ERBB2: variants seen among roughly 807,000 people sequenced by gnomAD.
ERBB2 encodes erb-b2 receptor tyrosine kinase 2.
In ERBB2, 61 loss-of-function variants were observed where a neutral mutation model predicts 149.0. That is an observed-to-expected ratio of 0.41 (90% confidence interval 0.33 to 0.51). The LOEUF (loss-of-function observed/expected upper bound fraction) is 0.51. Ranked by LOEUF, ERBB2 falls within the 20% of genes least tolerant of loss-of-function variation. The pLI, the probability that ERBB2 is intolerant of heterozygous loss-of-function variation, is 0.25. For missense variants in ERBB2, 1,205 were observed against 1,655.1 expected (o/e 0.73, Z 4.72); for synonymous variants, 633 against 678.8 (o/e 0.93, Z 1.05).
At chr17:39,694,081 C>T (rs1327400413), upstream of ERBB2, among the ~76,000 whole-genome samples, 2 of 145,828 alleles carry the variant, frequency 1.4e-5, no homozygotes, top group Non-Finnish European at 3.0e-5. Flanking sequence ...GTAATACCAG[C>T]TACTCGGAAG....
At chr17:39,719,940 C>T (rs1048727575) in intron 16 of ERBB2, 106 bp downstream of exon 16, 3 of 1,036,736 alleles carry the variant, frequency 2.9e-6, no homozygotes, top group South Asian at 2.6e-5. Context: ...TGTCCCTTCC[C>T]ACCCACTCTT....
chr17:39,698,628 T>C (rs2057931530), upstream of ERBB2, among the ~76,000 whole-genome samples: 1 of 151,684 alleles, frequency 6.6e-6, no homozygotes, highest in Admixed American at 6.6e-5. Context: ...TAGGATGGCA[T>C]AGCAACCTGT....
intron 9 of ERBB2, 65 bp downstream of exon 9, chr17:39,712,513 G>GGATCCTCA: frequency 1.3e-6 from 2 of 1,569,342 alleles, no homozygotes; most frequent in Non-Finnish European, 1.7e-6. Context: ...ATCCAGATGT[G>GGATCCTCA]GCAGCATCTC....
chr17:39,712,122 G>C (rs2145566805), intron 8 of ERBB2, 75 bp downstream of exon 8: 2 of 1,606,182 alleles, frequency 1.2e-6, no homozygotes, highest in Non-Finnish European at 8.5e-7. Context: ...AGCCCACCCT[G>C]TCCTATCCTT....
chr17:39,712,263 G>T, intron 8 of ERBB2, 59 bp from the exon 9 acceptor site: 2 of 1,608,772 alleles, frequency 1.2e-6, no homozygotes, highest in South Asian at 1.1e-5. Context: ...TGTGGCTGTT[G>T]ACCTGTCCCG....
chr17:39,713,826 C>T (rs984924830), intron 9 of ERBB2, among the ~76,000 whole-genome samples: 3 of 150,384 alleles, frequency 2.0e-5, no homozygotes, highest in Non-Finnish European at 2.9e-5. Context: ...GAGGCTGAAG[C>T]AGGAAGATTG....
intron 2 of ERBB2, 45 bp from the exon 3 acceptor site, chr17:39,708,276 G>C (rs1294086272): frequency 1.3e-6 from 2 of 1,528,874 alleles, no homozygotes; most frequent in Admixed American, 1.7e-5. Context: ...GCCCTGGGGG[G>C]TGGCAGTGTT....
At chr17:39,718,221 T>C (rs1219946101) in intron 15 of ERBB2, among the ~76,000 whole-genome samples, 2 of 152,264 alleles carry the variant, frequency 1.3e-5, no homozygotes, top group African/African-American at 4.8e-5. Context: ...AACATGGTGA[T>C]CTACCTTATT....
rs763367024 is a variant in ERBB2 at position 39,712,355 on chromosome 17, A to G, written c.1055A>G (p.Glu352Gly). The G allele has an allele frequency of 6.2e-7, 1 of 1,613,290 alleles. No homozygotes were observed. The highest frequency in any genetic ancestry group is 8.5e-7 in the Non-Finnish European group (1 of 1,179,740). ...GGTCTGGGCATGGAGCACTTGCGAG[A>G]GGTGAGGGCAGTTACCAGTGCCAAT... Reference protein sequence around the residue: ...CYGLGMEHLREVRAVTSANIQ... With the variant: ...CYGLGMEHLRGVRAVTSANIQ... The change falls in exon 9 of 27, where the codon GAG becomes GGG. Residue 352 changes from glutamate (E) to glycine (G), a missense_variant. Around this residue, in one of 6 missense-constraint regions of ERBB2, gnomAD observed 569 missense variants for 803.5 expected, o/e 0.71. Coordinates refer to ENST00000269571, the MANE Select transcript of ERBB2 (RefSeq NM_004448.4).
In ERBB2 at chr17:39,728,575, G is replaced by C. The variant is rs1597894266; in HGVS notation, c.*531G>C. On this transcript the variant is annotated 3_prime_UTR_variant, in exon 27 of 27. Transcript: ENST00000269571. ...AAGATGAAATAAAGACCCAGGGGGA[G>C]AATGGGTGTTGTATGGGGAGGCAAG... The C allele has an allele frequency of 4.3e-6, 1 of 233,700 alleles. No homozygotes were observed. The allele number at this position is 233,700 out of a possible 1,614,324, so 14.5% of individuals were successfully genotyped here. A position where few individuals can be genotyped will look rare whatever the true frequency, so the allele number is the denominator to read the frequency against.
chr17:39,697,711 TTCAATGGAG>T (rs1249431277), upstream of ERBB2, among the ~76,000 whole-genome samples: 6 of 151,518 alleles, frequency 4.0e-5, no homozygotes, highest in East Asian at 1.2e-3. Flanking sequence ...CTTTCTTTCT[TTCAATGGAG>T]TCTTACTCTG....
In ERBB2 at chr17:39,725,377, C is replaced by T. The variant is rs370134709; in HGVS notation, c.2700C>T (p.Thr900=). 3.7e-6 allele frequency: 6 copies of T among 1,613,904 alleles called. No individual in the cohort carries two copies. Among genetic ancestry groups the T allele is most frequent in the Non-Finnish European group, 5.1e-6 (6 of 1,179,966 alleles). ...ALESILRRRF[T]HQSDVWSYGV... Reference sequence around the variant, plus strand: ...AGTCCATTCTCCGCCGGCGGTTCACCCACCAGAGTGATGTGTGGAGTTATG... The same window carrying T: ...AGTCCATTCTCCGCCGGCGGTTCACTCACCAGAGTGATGTGTGGAGTTATG... The change falls in exon 22 of 27, where the codon ACC becomes ACT. Residue 900 remains threonine (T), a synonymous_variant. Transcript: ENST00000269571. The surrounding 1 kb of genome is among the most constrained non-coding windows in gnomAD (Gnocchi z 4.6).
At chr17:39,718,215 T>C (rs2059252256) in intron 15 of ERBB2, among the ~76,000 whole-genome samples, 1 of 152,280 alleles carries the variant, frequency 6.6e-6, no homozygotes, top group Non-Finnish European at 1.5e-5. Flanking sequence ...TGTTCTAACA[T>C]GGTGATCTAC....
At chr17:39,701,019 T>TG (rs2058076222) in intron 1 of ERBB2, among the ~76,000 whole-genome samples, 1 of 22,210 alleles carries the variant, frequency 4.5e-5, no homozygotes, top group South Asian at 1.6e-3. Flanking sequence ...CATGGAGGGG[T>TG]GGGGGTGGGT....
chr17:39,713,752 C>T (rs1312784426), intron 9 of ERBB2, among the ~76,000 whole-genome samples: 1 of 112,368 alleles, frequency 8.9e-6, no homozygotes, highest in African/African-American at 4.2e-5. Flanking sequence ...GACCCTGTCT[C>T]AAAAAGAAAA....
chr17:39,714,284 G>A (rs2058990110), intron 9 of ERBB2, among the ~76,000 whole-genome samples: 2 of 152,172 alleles, frequency 1.3e-5, no homozygotes, highest in African/African-American at 4.8e-5. Context: ...AGCCGGTCAT[G>A]ACAGTTCCCA....
chr17:39,694,958 G>A (rs915161089), exon 1 of ERBB2: 1 of 152,338 alleles, frequency 6.6e-6, no homozygotes, highest in African/African-American at 2.4e-5. Flanking sequence ...TTGTGACCAG[G>A]AACCATTCTG....
At chr17:39,717,291 C>G (rs2145704329) in intron 14 of ERBB2, 29 bp from the exon 15 acceptor site, 5 of 1,566,268 alleles carry the variant, frequency 3.2e-6, no homozygotes, top group Non-Finnish European at 4.4e-6. Context: ...CAGTGCCAGC[C>G]CCCCACAAAT....
At chr17:39,690,641 C>T (rs1227342349), upstream of ERBB2, among the ~76,000 whole-genome samples, 4 of 152,126 alleles carry the variant, frequency 2.6e-5, no homozygotes, top group East Asian at 1.9e-4. Flanking sequence ...CTCTAGATGG[C>T]GATTACCTGG....
Sources: allele counts gnomAD v4.1 joint callset (sites outside exome capture counted in the v4.1 genomes callset), GRCh38; gene constraint gnomAD v4.1.1; regional missense constraint gnomAD v4.1.1; non-coding constraint Gnocchi (gnomAD v3.1); transcripts MANE v1.5; gene names NCBI Gene and HGNC (gene_info 2026-07-23, HGNC 2026-07-21).